Variants in SLC41A2 observed in about 807,000 individuals in gnomAD.
SLC41A2 encodes solute carrier family 41 member 2, also known as SLC41A1-like 1.
In SLC41A2, 32 loss-of-function variants were observed where a neutral mutation model predicts 58.3. The ratio of observed to expected loss-of-function variants is 0.55; its 90% CI spans 0.41 to 0.74. The LOEUF (loss-of-function observed/expected upper bound fraction) is 0.74, where lower values mean the gene tolerates loss of function less well. Ranked by LOEUF, SLC41A2 falls within the 30% of genes least tolerant of loss-of-function variation. SLC41A2 has a pLI of 0.00. For synonymous variants in SLC41A2, 190 were observed against 235.0 expected, an observed-to-expected ratio of 0.81 and a Z score of 1.75; for missense variants, 514 against 680.6, an observed-to-expected ratio of 0.76 and a Z score of 2.72.
At chr12:104,923,190 G>A (rs2046678848) in intron 2 of SLC41A2, among the ~76,000 whole-genome samples, 1 of 75,300 alleles carries the variant, frequency 1.3e-5, no homozygotes, top group East Asian at 2.8e-4. Flanking sequence ...GTGAAACTCC[G>A]TCTCTACTAA....
intron 3 of SLC41A2, among the ~76,000 whole-genome samples, chr12:104,905,321 G>T (rs1055564031): frequency 6.6e-6 from 1 of 151,560 alleles, no homozygotes; most frequent in Non-Finnish European, 1.5e-5. Context: ...AGCTAGATAC[G>T]GAGTGTCGAT....
intron 4 of SLC41A2, among the ~76,000 whole-genome samples, chr12:104,890,524 T>C (rs527290294): frequency 6.6e-6 from 1 of 152,326 alleles, no homozygotes; most frequent in South Asian, 2.1e-4. Context: ...GGTGTGTATA[T>C]ATGTATATAT....
At position 104,809,189 on chromosome 12, in the gene SLC41A2, TG is replaced by T. The variant is rs199811902; in HGVS notation, c.1537-3853del. On this transcript the variant is annotated intron_variant, in intron 10 of 10. Coordinates refer to ENST00000258538, the MANE Select transcript of SLC41A2 (RefSeq NM_001352171.3). ...ACACAATAAACTTTCAATAAATGTC[TG>T]TTATTAGTCTATTTTAACAGGATTA... Among the ~76,000 whole-genome samples, 1,442 of 152,360 alleles carry T rather than the reference TG, an allele frequency of 9.5e-3. 15 individuals carry two copies. Among genetic ancestry groups the T allele is most frequent in the African/African-American group, 0.033 (1,374 of 41,578 alleles).
In SLC41A2 at chr12:104,806,197, A is replaced by G. The variant is rs1466954972; in HGVS notation, c.1537-860T>C. On this transcript the variant is annotated intron_variant, in intron 10 of 10. Coordinates refer to ENST00000258538, the MANE Select transcript of SLC41A2 (RefSeq NM_001352171.3). ...TCATTTAGCATTAGGTTTATCTCCTAATGCTATCCCTCCCCACTCCCCCCA... is the reference window on the plus strand; with the variant it reads ...TCATTTAGCATTAGGTTTATCTCCTGATGCTATCCCTCCCCACTCCCCCCA... Among the ~76,000 whole-genome samples, 9 of 152,072 alleles carry G rather than the reference A, an allele frequency of 5.9e-5. No homozygotes were observed. The East Asian group carries it at 1.5e-3, about 26-fold the overall frequency.
chr12:104,841,433 A>G (rs1221118193), intron 10 of SLC41A2, among the ~76,000 whole-genome samples: 3 of 152,036 alleles, frequency 2.0e-5, no homozygotes, highest in African/African-American at 7.2e-5. Flanking sequence ...TTCAGTTTTA[A>G]CAAGCATTAA....
At chr12:104,870,058 T>C (rs2043686327) in intron 6 of SLC41A2, among the ~76,000 whole-genome samples, 1 of 152,240 alleles carries the variant, frequency 6.6e-6, no homozygotes, top group Admixed American at 6.5e-5. Flanking sequence ...CTGTGAATGC[T>C]ACCTTATACG....
At position 104,845,838 on chromosome 12, in the gene SLC41A2, C is replaced by T; in HGVS notation, c.1387+5G>A. On this transcript the variant is annotated splice_donor_5th_base_variant and intron_variant, in intron 9 of 10. Coordinates refer to ENST00000258538, the MANE Select transcript of SLC41A2 (RefSeq NM_001352171.3). Reference sequence around the variant, plus strand: ...TAAAATATGCAAAAATCCATAAGCACATACCTGGACCAAAGAAAGTTCTAA... The same window carrying T: ...TAAAATATGCAAAAATCCATAAGCATATACCTGGACCAAAGAAAGTTCTAA... 1 of 1,608,280 alleles carries T rather than the reference C, an allele frequency of 6.2e-7. No homozygotes were observed. The highest frequency in any genetic ancestry group is 8.5e-7 in the Non-Finnish European group (1 of 1,176,632).
At chr12:104,921,439 A>G (rs2046589819) in intron 2 of SLC41A2, among the ~76,000 whole-genome samples, 1 of 152,028 alleles carries the variant, frequency 6.6e-6, no homozygotes, top group Non-Finnish European at 1.5e-5. Context: ...ACTTTTCAGC[A>G]GAAACCATAC....
intron 6 of SLC41A2, among the ~76,000 whole-genome samples, chr12:104,882,253 G>A (rs1197819953): frequency 6.6e-6 from 1 of 151,856 alleles, no homozygotes; most frequent in Non-Finnish European, 1.5e-5. Context: ...CACACTGATG[G>A]GTCTTGACTC....
upstream of SLC41A2, chr12:104,958,303 G>A (rs1191314675): frequency 6.7e-6 from 1 of 149,312 alleles, no homozygotes; most frequent in Non-Finnish European, 1.5e-5. Flanking sequence ...CCCGGCCGTC[G>A]GCGCCCGCGG....
intron 3 of SLC41A2, among the ~76,000 whole-genome samples, chr12:104,899,194 T>C (rs1046648634): frequency 6.6e-6 from 1 of 152,240 alleles, no homozygotes; most frequent in Non-Finnish European, 1.5e-5. Flanking sequence ...TGTCTTTATT[T>C]GAACATGTTT....
At chr12:104,864,339 C>T (rs1181365062) in intron 7 of SLC41A2, among the ~76,000 whole-genome samples, 1 of 152,136 alleles carries the variant, frequency 6.6e-6, no homozygotes, top group Non-Finnish European at 1.5e-5. Context: ...CTTTAGTCTT[C>T]TCTTACACGT....
intron 2 of SLC41A2, among the ~76,000 whole-genome samples, chr12:104,926,457 G>A (rs1160925415): frequency 6.6e-6 from 1 of 151,870 alleles, no homozygotes; most frequent in African/African-American, 2.4e-5. Context: ...GCATGGTAGC[G>A]TGAGCCTGTG....
intron 8 of SLC41A2, among the ~76,000 whole-genome samples, chr12:104,853,708 AATGTATGTATGT>A (rs57299241): frequency 0.042 from 6,022 of 142,604 alleles, 182 homozygotes; most frequent in East Asian, 0.083. Context: ...TTTTTAAATA[AATGTATGTATGT>A]ATGTATGTAT....
At position 104,933,035 on chromosome 12, in the gene SLC41A2, A is replaced by C. The variant is rs569594331; in HGVS notation, c.-167-4341T>G. On this transcript the variant is annotated intron_variant, in intron 1 of 10. Transcript: ENST00000258538. ...TGCAATAAAAATAAATAAATAAATG[A>C]GACATAATTGAATGAAAAAGCTTCT... Among the ~76,000 whole-genome samples, 24 of 152,278 alleles carry C rather than the reference A, an allele frequency of 1.6e-4. 1 individual carries two copies. In the South Asian group the frequency reaches 5.0e-3, roughly 32 times the overall value.
intron 3 of SLC41A2, 57 bp downstream of exon 3, chr12:104,909,598 T>G: frequency 2.5e-6 from 3 of 1,216,504 alleles, no homozygotes; most frequent in Middle Eastern, 3.8e-4. Context: ...CAAGTTCCCC[T>G]TAACAGAGAG....
Position 104,886,320 on chromosome 12 carries a change from T to C in SLC41A2, c.1000A>G (p.Ile334Val). The change falls in exon 6 of 11, where the codon ATA (isoleucine) becomes GTA (valine). Residue 334 changes from isoleucine to valine, a missense_variant. Ile to Val is a conservative substitution (Grantham distance 29). This residue lies in a region of SLC41A2 where 336 missense variants were observed against 430.0 expected (regional missense o/e 0.78). Transcript: ENST00000258538. The part of the protein sequence containing the change: ...DLITLAILAW[I>V]SQGLYSCLET... Reference sequence around the variant, plus strand: ...AGACAGGAGTATAAGCCCTGACTTATCCAAGCCAATATGGCAAGAGTTATA... The same window carrying C: ...AGACAGGAGTATAAGCCCTGACTTACCCAAGCCAATATGGCAAGAGTTATA... The C allele has an allele frequency of 6.2e-7, 1 of 1,613,626 alleles. No individual in the cohort carries two copies. Among genetic ancestry groups the C allele is most frequent in the Admixed American group, 1.7e-5 (1 of 60,008 alleles).
chr12:104,812,066 T>C (rs2041195025), intron 10 of SLC41A2, among the ~76,000 whole-genome samples: 1 of 152,234 alleles, frequency 6.6e-6, no homozygotes, highest in African/African-American at 2.4e-5. Context: ...AGAGTCTGCA[T>C]ACCTAACCAG....
intron 2 of SLC41A2, among the ~76,000 whole-genome samples, chr12:104,925,430 C>T (rs905077662): frequency 6.6e-6 from 1 of 151,870 alleles, no homozygotes; most frequent in Non-Finnish European, 1.5e-5. Flanking sequence ...CGGTGGCGGG[C>T]GCCTGTAGTC....
Sources: allele counts gnomAD v4.1 joint callset (sites outside exome capture counted in the v4.1 genomes callset), GRCh38; gene constraint gnomAD v4.1.1; regional missense constraint gnomAD v4.1.1; transcripts MANE v1.5; gene names NCBI Gene and HGNC (gene_info 2026-07-23, HGNC 2026-07-21).